The following ZMIZ1 variants were observed in gnomAD, a reference collection of about 807,000 sequenced individuals.
The protein encoded by ZMIZ1 is zinc finger MIZ-type containing 1, also known as zinc finger MIZ domain-containing protein 1.
ZMIZ1 carries 17 observed loss-of-function variants against 113.9 expected under a neutral mutation model. The observed-to-expected ratio is 0.15, with a 90% CI of 0.10 to 0.22. ZMIZ1 has a LOEUF of 0.22. Ranked by LOEUF, ZMIZ1 falls within the 10% of genes least tolerant of loss-of-function variation. The pLI is 1.00. For missense variants in ZMIZ1, 1,059 were observed against 1,477.8 expected (o/e 0.72, Z 4.65); for synonymous variants, 607 against 603.1 (o/e 1.01, Z -0.09).
At chr10:79,246,249 G>T (rs574248155) in intron 7 of ZMIZ1, among the ~76,000 whole-genome samples, 1 of 152,366 alleles carries the variant, frequency 6.6e-6, no homozygotes, top group East Asian at 1.9e-4. Context: ...GGGCACGAGT[G>T]GGCAGCGGTC....
intron 4 of ZMIZ1, among the ~76,000 whole-genome samples, chr10:79,167,435 G>A (rs1846401722): frequency 6.6e-6 from 1 of 152,120 alleles, no homozygotes; most frequent in African/African-American, 2.4e-5. Flanking sequence ...AATCCTGCAG[G>A]TGAGTTTGCA....
intron 6 of ZMIZ1, among the ~76,000 whole-genome samples, chr10:79,215,471 G>T (rs1394852013): frequency 6.6e-6 from 1 of 152,016 alleles, no homozygotes; most frequent in Non-Finnish European, 1.5e-5. Context: ...GCTAATTTTT[G>T]TATTTTTAGG....
chr10:79,129,600 C>T (rs1310546808), intron 2 of ZMIZ1, among the ~76,000 whole-genome samples: 1 of 152,208 alleles, frequency 6.6e-6, no homozygotes, highest in Admixed American at 6.5e-5. Flanking sequence ...TGACTCATGC[C>T]TGGTGGGCTC....
intron 7 of ZMIZ1, among the ~76,000 whole-genome samples, chr10:79,271,467 G>A (rs772966293): frequency 3.3e-5 from 5 of 152,184 alleles, no homozygotes; most frequent in Admixed American, 6.5e-5. Context: ...ACAGACAACT[G>A]GGATCAGGTC....
At chr10:79,197,220 A>G (rs187833483) in intron 4 of ZMIZ1, among the ~76,000 whole-genome samples, 47 of 152,172 alleles carry the variant, frequency 3.1e-4, no homozygotes, top group African/African-American at 1.1e-3. Context: ...GCTGGCTGTG[A>G]AAGTTGAATT....
At chr10:79,091,480 A>G (rs558558840) in intron 1 of ZMIZ1, among the ~76,000 whole-genome samples, 1 of 152,308 alleles carries the variant, frequency 6.6e-6, no homozygotes, top group South Asian at 2.1e-4. Flanking sequence ...AACCTTGGCT[A>G]CTCAGCAGAA....
At chr10:79,248,902 C>T (rs1850372668) in intron 7 of ZMIZ1, among the ~76,000 whole-genome samples, 1 of 151,460 alleles carries the variant, frequency 6.6e-6, no homozygotes, top group African/African-American at 2.4e-5. Context: ...AGTTGGTCTC[C>T]CACCCTCCCA....
At chr10:79,283,737 T>C (rs1010707640) in intron 8 of ZMIZ1, among the ~76,000 whole-genome samples, 2 of 152,242 alleles carry the variant, frequency 1.3e-5, no homozygotes, top group African/African-American at 4.8e-5. Flanking sequence ...TTTCCTTTCC[T>C]CCTTCCTACT....
intron 8 of ZMIZ1, among the ~76,000 whole-genome samples, chr10:79,278,067 A>T (rs1405893951): frequency 6.6e-6 from 1 of 152,220 alleles, no homozygotes; most frequent in Non-Finnish European, 1.5e-5. Flanking sequence ...CCCGCAGCCC[A>T]GAGCACACTG....
chr10:79,166,985 G>A lies in ZMIZ1; in HGVS notation c.-50+4852G>A, dbSNP rs563194230. Among the ~76,000 whole-genome samples the A allele has an allele frequency of 3.3e-5, 5 of 152,302 alleles. No individual in the cohort carries two copies. The East Asian group carries it at 5.8e-4, about 18-fold the overall frequency. ...CATCACATGCTAGCCTTCTGCCAGCGCCCTGGGCTGCGGCTCCACCGTGCT... is the reference window on the plus strand; with the variant it reads ...CATCACATGCTAGCCTTCTGCCAGCACCCTGGGCTGCGGCTCCACCGTGCT... On this transcript the variant is annotated intron_variant, in intron 4 of 24. Transcript: ENST00000334512.
chr10:79,108,766 T>C (rs1843640324), intron 1 of ZMIZ1, among the ~76,000 whole-genome samples: 2 of 152,078 alleles, frequency 1.3e-5, no homozygotes, highest in South Asian at 4.1e-4. Context: ...AGCATCCTGA[T>C]TTATGGGGCT....
intron 8 of ZMIZ1, among the ~76,000 whole-genome samples, chr10:79,283,248 T>C (rs1327777705): frequency 1.3e-5 from 2 of 152,136 alleles, no homozygotes; most frequent in African/African-American, 2.4e-5. Flanking sequence ...ATCCCCTGAG[T>C]ATAGCAGGTC....
intron 2 of ZMIZ1, among the ~76,000 whole-genome samples, chr10:79,122,081 G>A (rs11002841): frequency 0.052 from 7,851 of 152,112 alleles, 278 homozygotes; most frequent in East Asian, 0.17. Context: ...CCTGTGTGAC[G>A]GCCAGTGAAG....
chr10:79,081,172 C>G lies in ZMIZ1; in HGVS notation c.-337+11902C>G, dbSNP rs116192386. Among the ~76,000 whole-genome samples the G allele has an allele frequency of 7.4e-3, 1,017 of 137,708 alleles. 5 individuals are homozygous for G. Among genetic ancestry groups the G allele is most frequent in the African/African-American group, 0.024 (942 of 38,910 alleles). The allele number at this position is 137,708 out of a possible 152,430, so 90.3% of individuals were successfully genotyped here. ...TCTCCCCTAGTTCTCTTCTCAGGAC[C>G]TTGCAGAATGTGGTGAATTGGTCCT... On this transcript the variant is annotated intron_variant, in intron 1 of 24. Transcript: ENST00000334512.
intron 1 of ZMIZ1, among the ~76,000 whole-genome samples, chr10:79,100,033 C>T (rs1843305746): frequency 6.6e-6 from 1 of 152,086 alleles, no homozygotes; most frequent in African/African-American, 2.4e-5. Flanking sequence ...GGACCACACA[C>T]CCTGATGCTC....
rs141134152 is a variant in ZMIZ1 at position 79,289,915 on chromosome 10, AC to A, written c.540+27del. The A allele has an allele frequency of 3.0e-3, 4,875 of 1,603,550 alleles. 96 individuals are homozygous for A. Among genetic ancestry groups the A allele is most frequent in the East Asian group, 0.023 (1,040 of 44,736 alleles). On this transcript the variant is annotated intron_variant, in intron 9 of 24. Transcript: ENST00000334512. ...GTAAGAGCCTATACTGCCCTCAGCC[AC>A]AGCTCTTTCTAGGCGGGAGTGTCCC...
At chr10:79,298,726 C>G (rs973659462) in intron 15 of ZMIZ1, 146 bp downstream of exon 15, 1 of 811,774 alleles carries the variant, frequency 1.2e-6, no homozygotes, top group Admixed American at 3.3e-5. Context: ...GGGGCACACT[C>G]AAGGCGGGGT....
intron 1 of ZMIZ1, among the ~76,000 whole-genome samples, chr10:79,114,537 G>GTGTA (rs946123924): frequency 6.4e-5 from 9 of 140,468 alleles, no homozygotes; most frequent in Non-Finnish European, 1.1e-4. Flanking sequence ...GTGTGTGTGT[G>GTGTA]TGTGAAGGTG....
chr10:79,112,833 C>T (rs1843804223), intron 1 of ZMIZ1, among the ~76,000 whole-genome samples: 1 of 152,216 alleles, frequency 6.6e-6, no homozygotes, highest in Non-Finnish European at 1.5e-5. Context: ...AATTTAATTT[C>T]TTCTGATTAT....
Sources: allele counts gnomAD v4.1 joint callset (sites outside exome capture counted in the v4.1 genomes callset), GRCh38; gene constraint gnomAD v4.1.1; transcripts MANE v1.5; gene names NCBI Gene and HGNC (gene_info 2026-07-23, HGNC 2026-07-21).